The following WWC2 variants were observed in gnomAD, a reference collection of about 807,000 sequenced individuals.
WWC2 encodes the protein WW and C2 domain containing 2, also known as protein WWC2.
In WWC2, 101 loss-of-function variants were observed where a neutral mutation model predicts 138.5. The ratio of observed to expected loss-of-function variants is 0.73; its 90% CI spans 0.62 to 0.86. WWC2 has a LOEUF of 0.86. WWC2 is among the 40% of genes least tolerant of loss of function. The probability of loss-of-function intolerance (pLI) is 0.00; values close to 1 mark genes in which losing one functional copy is unlikely to be tolerated. For synonymous variants in WWC2, 558 were observed against 538.4 expected, an observed-to-expected ratio of 1.04 and a Z score of -0.50; for missense variants, 1,420 against 1,419.4, an observed-to-expected ratio of 1.00 and a Z score of -0.01.
intron 1 of WWC2, 103 bp downstream of exon 1, chr4:183,099,725 C>A (rs1036435524): frequency 2.7e-6 from 3 of 1,096,838 alleles, no homozygotes; most frequent in Non-Finnish European, 3.4e-6. Context: ...CCGCGGTGCC[C>A]CGAGGGGTCC....
intron 1 of WWC2, among the ~76,000 whole-genome samples, chr4:183,150,167 A>C (rs1301882533): frequency 2.6e-5 from 4 of 152,206 alleles, no homozygotes; most frequent in African/African-American, 9.7e-5. Context: ...ACTTCAGAAG[A>C]ATGGACTCTG....
chr4:183,169,757 CTG>C (rs952500990), intron 1 of WWC2, among the ~76,000 whole-genome samples: 7 of 152,120 alleles, frequency 4.6e-5, no homozygotes, highest in African/African-American at 1.7e-4. Flanking sequence ...AGATTTAAGA[CTG>C]TGCATAAAGA....
intron 5 of WWC2, among the ~76,000 whole-genome samples, chr4:183,243,668 C>T (rs1736681401): frequency 6.6e-6 from 1 of 151,850 alleles, no homozygotes; most frequent in African/African-American, 2.4e-5. Flanking sequence ...CATTAAGTTT[C>T]TCCCTTGCCT....
chr4:183,208,275 G>A (rs1735500393), intron 3 of WWC2, 119 bp downstream of exon 3: 2 of 1,109,226 alleles, frequency 1.8e-6, no homozygotes, highest in Non-Finnish European at 2.5e-6. Context: ...AGCAGGAAGA[G>A]TCTCTCAAAA....
intron 11 of WWC2, among the ~76,000 whole-genome samples, chr4:183,262,324 A>C (rs1259735412): frequency 6.6e-6 from 1 of 152,218 alleles, no homozygotes; most frequent in Non-Finnish European, 1.5e-5. Flanking sequence ...CAAAATGTGA[A>C]ATAAAAGCCC....
chr4:183,227,039 TCAGA>T (rs1349672745), intron 4 of WWC2, among the ~76,000 whole-genome samples: 3 of 152,018 alleles, frequency 2.0e-5, no homozygotes, highest in Admixed American at 6.5e-5. Flanking sequence ...AAGTGGGGAC[TCAGA>T]CAGTCACTAA....
At chr4:183,289,773 C>T in intron 21 of WWC2, 138 bp downstream of exon 21, 1 of 1,365,274 alleles carries the variant, frequency 7.3e-7, no homozygotes, top group African/African-American at 1.5e-5. Flanking sequence ...ACATATTTTT[C>T]CCACTGTTAT....
At chr4:183,100,017 G>T (rs530563090) in intron 1 of WWC2, among the ~76,000 whole-genome samples, 1 of 152,222 alleles carries the variant, frequency 6.6e-6, no homozygotes, top group Admixed American at 6.5e-5. Context: ...GCCAGTTGGG[G>T]AACGAGCCCT....
At chr4:183,275,906 G>T (rs1041694548) in intron 16 of WWC2, among the ~76,000 whole-genome samples, 2 of 152,088 alleles carry the variant, frequency 1.3e-5, no homozygotes, top group African/African-American at 4.8e-5. Flanking sequence ...TTTTTTGTGT[G>T]TGGAATTTTT....
chr4:183,250,362 T>A (rs1736940948), intron 8 of WWC2, among the ~76,000 whole-genome samples: 1 of 152,220 alleles, frequency 6.6e-6, no homozygotes, highest in Non-Finnish European at 1.5e-5. Context: ...ACTAAATAGC[T>A]GTTGAGGAGT....
At chr4:183,206,805 A>G (rs912780049) in intron 2 of WWC2, among the ~76,000 whole-genome samples, 4 of 152,158 alleles carry the variant, frequency 2.6e-5, no homozygotes, top group African/African-American at 7.2e-5. Flanking sequence ...TGGTATCCCA[A>G]TGCTGGACAG....
At chr4:183,235,483 T>A (rs1038061949) in intron 4 of WWC2, among the ~76,000 whole-genome samples, 1 of 152,194 alleles carries the variant, frequency 6.6e-6, no homozygotes, top group Non-Finnish European at 1.5e-5. Flanking sequence ...GAAACTTTAT[T>A]TCCTGTAGCA....
At chr4:183,301,604 T>C (rs1242938815) in intron 21 of WWC2, among the ~76,000 whole-genome samples, 1 of 152,244 alleles carries the variant, frequency 6.6e-6, no homozygotes, top group East Asian at 1.9e-4. Context: ...TCTTTATAAG[T>C]ATTTGCTGAA....
chr4:183,134,124 A>G (rs1325372954), intron 1 of WWC2, among the ~76,000 whole-genome samples: 1 of 152,074 alleles, frequency 6.6e-6, no homozygotes, highest in East Asian at 1.9e-4. Context: ...ATTAATCTAT[A>G]TAACATCTGT....
chr4:183,302,937 G>A (rs13145223), intron 21 of WWC2, among the ~76,000 whole-genome samples: 4 of 151,994 alleles, frequency 2.6e-5, no homozygotes, highest in East Asian at 3.9e-4. Context: ...GATGGCAAGC[G>A]CCTGTAATCC....
intron 1 of WWC2, among the ~76,000 whole-genome samples, chr4:183,136,818 G>A (rs1017268094): frequency 1.3e-5 from 2 of 152,118 alleles, no homozygotes; most frequent in Non-Finnish European, 2.9e-5. Context: ...GTGGCCCAGG[G>A]AAACCAAAAG....
At chr4:183,115,376 T>C (rs373373920) in intron 1 of WWC2, among the ~76,000 whole-genome samples, 4 of 152,224 alleles carry the variant, frequency 2.6e-5, no homozygotes, top group African/African-American at 7.2e-5. Flanking sequence ...TGTATTCCTG[T>C]GGGTATATAC....
intron 4 of WWC2, among the ~76,000 whole-genome samples, chr4:183,226,297 C>T (rs1736072655): frequency 6.6e-6 from 1 of 151,844 alleles, no homozygotes; most frequent in Non-Finnish European, 1.5e-5. Flanking sequence ...AGGATTTTGC[C>T]ATGTTGTCCA....
At chr4:183,248,693 C>T (rs1449701274) in intron 6 of WWC2, 21 bp from the exon 7 acceptor site, 2 of 1,560,194 alleles carry the variant, frequency 1.3e-6, no homozygotes, top group African/African-American at 2.7e-5. Context: ...CTTTATGAAA[C>T]ACTTTGTGTT....
Sources: allele counts gnomAD v4.1 joint callset (sites outside exome capture counted in the v4.1 genomes callset), GRCh38; gene constraint gnomAD v4.1.1; transcripts MANE v1.5; gene names NCBI Gene and HGNC (gene_info 2026-07-23, HGNC 2026-07-21).